Variants in UBXN8 observed in about 807,000 individuals in gnomAD.
UBXN8 encodes UBX domain-containing protein 8.
In UBXN8, 27 loss-of-function variants were observed where a neutral mutation model predicts 32.1. The observed-to-expected ratio is 0.84, with a 90% CI of 0.62 to 1.16. UBXN8 has a LOEUF of 1.16. Among genes scored for constraint, UBXN8 ranks in the 50% most tolerant of loss-of-function variants. UBXN8 has a pLI of 0.00. For missense variants in UBXN8, 306 were observed against 311.4 expected (o/e 0.98, Z 0.13); for synonymous variants, 109 against 111.8 (o/e 0.98, Z 0.16).
rs1372241832 is a variant in UBXN8 at position 30,738,926 on chromosome 8, A to G, written c.622+5618A>G. Reference sequence around the variant, plus strand: ...AGCTGAGATTGTGCTATTGCACTCCAGCGTGGGCAACAAGAGTGAAACTCC... The same window carrying G: ...AGCTGAGATTGTGCTATTGCACTCCGGCGTGGGCAACAAGAGTGAAACTCC... On this transcript the variant is annotated intron_variant, in intron 1 of 1. Transcript: ENST00000522968. Among the ~76,000 whole-genome samples the G allele has an allele frequency of 2.0e-5, 3 of 150,940 alleles. No individual in the cohort carries two copies. The Admixed American group carries it at 2.0e-4, about 10-fold the overall frequency.
At chr8:30,756,699 CA>C in intron 4 of UBXN8, 65 bp from the exon 5 acceptor site, 1 of 1,587,640 alleles carries the variant, frequency 6.3e-7, no homozygotes, top group Non-Finnish European at 8.6e-7. Context: ...AAAGGAAAAA[CA>C]ATTGTGAATA....
intron 1 of UBXN8, among the ~76,000 whole-genome samples, chr8:30,750,501 G>A (rs1805490506): frequency 6.6e-6 from 1 of 151,044 alleles, no homozygotes; most frequent in African/African-American, 2.4e-5. Context: ...GGCCGGGCAC[G>A]GTGGCTCACG....
intron 1 of UBXN8, among the ~76,000 whole-genome samples, chr8:30,750,089 A>T (rs1426160659): frequency 6.6e-6 from 1 of 152,156 alleles, no homozygotes; most frequent in East Asian, 1.9e-4. Context: ...GACAACCATC[A>T]TGAGTTTTTT....
intron 5 of UBXN8, among the ~76,000 whole-genome samples, chr8:30,760,443 A>ATATATATATATATATATATATATAT (rs1196366158): frequency 2.2e-5 from 2 of 91,118 alleles, no homozygotes; most frequent in African/African-American, 5.1e-5. Context: ...ATATATATAT[A>ATATATATATATATATATATATATAT]TTTTTTTTTT....
At chr8:30,742,014 C>T (rs886483331), upstream of UBXN8, among the ~76,000 whole-genome samples, 6 of 152,104 alleles carry the variant, frequency 3.9e-5, no homozygotes, top group Non-Finnish European at 8.8e-5. Flanking sequence ...GAAAAAAATA[C>T]AGGAGGTAGG....
chr8:30,764,095 ACC>A (rs1217432679), intron 7 of UBXN8, among the ~76,000 whole-genome samples: 1 of 152,318 alleles, frequency 6.6e-6, no homozygotes, highest in East Asian at 1.9e-4. Context: ...TCATGCCAAA[ACC>A]AGTTACTAAC....
intron 3 of UBXN8, 82 bp downstream of exon 3, chr8:30,753,187 T>C: frequency 4.4e-6 from 6 of 1,367,938 alleles, no homozygotes; most frequent in Non-Finnish European, 5.7e-6. Flanking sequence ...CTGTTGCTTC[T>C]GTCTTGGTGC....
chr8:30,737,658 AG>A (rs1471888989), intron 1 of UBXN8, among the ~76,000 whole-genome samples: 1 of 31,580 alleles, frequency 3.2e-5, no homozygotes, highest in Middle Eastern at 0.033. Flanking sequence ...ACTGCACTCC[AG>A]CCTAAGCAAC....
chr8:30,765,711 G>A (rs894716941), intron 7 of UBXN8, among the ~76,000 whole-genome samples: 4 of 151,702 alleles, frequency 2.6e-5, no homozygotes, highest in South Asian at 2.1e-4. Context: ...CCGCCACCAC[G>A]CCTGGCTAAT....
upstream of UBXN8, among the ~76,000 whole-genome samples, chr8:30,743,420 C>T (rs3757922): frequency 0.22 from 30,749 of 142,870 alleles, 3,335 homozygotes; most frequent in South Asian, 0.32. Flanking sequence ...TCCCAAAGTG[C>T]TGAGATTACA....
chr8:30,730,593 CAA>C (rs1366752782), upstream of UBXN8, among the ~76,000 whole-genome samples: 1 of 152,108 alleles, frequency 6.6e-6, no homozygotes, highest in Non-Finnish European at 1.5e-5. Flanking sequence ...AGAGGATATG[CAA>C]AGGCTAAACC....
chr8:30,743,125 C>T (rs565362886), upstream of UBXN8, among the ~76,000 whole-genome samples: 5 of 151,372 alleles, frequency 3.3e-5, no homozygotes, highest in African/African-American at 7.3e-5. Flanking sequence ...CGTGAGCCAC[C>T]GCGCTTAGCC....
chr8:30,766,435 G>T lies in UBXN8; in HGVS notation c.*41G>T. ...TCCCTGTTTGCATGAAGTCAGTTAT[G>T]CTATGACCTTCTGGCACAATAAAGG... On this transcript the variant is annotated 3_prime_UTR_variant, in exon 8 of 8. Transcript: ENST00000265616. The T allele has an allele frequency of 6.6e-7, 1 of 1,510,406 alleles. No individual in the cohort carries two copies. The highest frequency in any genetic ancestry group is 8.9e-7 in the Non-Finnish European group (1 of 1,123,540). 93.6% of individuals were successfully genotyped at this position (1,510,406 alleles called of 1,614,324 possible). A position where few individuals can be genotyped will look rare whatever the true frequency, so the allele number is the denominator to read the frequency against.
In UBXN8 at chr8:30,756,822, A is replaced by G. The variant is rs1011840575; in HGVS notation, c.463A>G (p.Ser155Gly). The change falls in exon 5 of 8, where the codon AGC becomes GGC. Residue 155 changes from serine (S) to glycine (G), a missense_variant. By Grantham distance (56) the Ser-to-Gly change is moderately conservative. Transcript: ENST00000265616. ...FETSNREAAK[S>G]QNLPKPLTEF... ...AACATCAAACAGAGAAGCAGCAAAG[A>G]GCCAGAACTTGCCTAAACCTTTAAC... 6.2e-7 allele frequency: 1 copy of G among 1,614,074 alleles called. No individual in the cohort carries two copies. The highest frequency in any genetic ancestry group is 1.7e-5 in the Admixed American group (1 of 60,012).
Position 30,746,002 on chromosome 8 carries a change from C to T in UBXN8, c.88+1725C>T, listed in dbSNP as rs140028193. On this transcript the variant is annotated intron_variant, in intron 1 of 7. Transcript: ENST00000265616. ...CTAGGCTCAAGCAATCCACCCACTT[C>T]GGCCACCCAGAGTGCTGGGATTATA... 4.7e-3 allele frequency among the ~76,000 whole-genome samples: 716 copies of T among 152,296 alleles called. 10 individuals are homozygous for T. Among genetic ancestry groups the T allele is most frequent in the African/African-American group, 0.017 (694 of 41,568 alleles).
chr8:30,750,662 A>C (rs2955989), intron 1 of UBXN8, among the ~76,000 whole-genome samples: 110,012 of 151,280 alleles, frequency 0.73, 41,661 homozygotes, highest in East Asian at 0.85. Context: ...AGTCCCAGCT[A>C]CTCGGGAGGC....
In UBXN8 at chr8:30,756,841, CT is replaced by C; in HGVS notation, c.485del (p.Leu162Ter). 1.9e-6 allele frequency: 3 copies of C among 1,613,962 alleles called. No homozygotes were observed. Among genetic ancestry groups the C allele is most frequent in the Non-Finnish European group, 2.5e-6 (3 of 1,179,888 alleles). ...EAAKSQNLPK[P>X]LTEFPSPAEQ... ...GCAAAGAGCCAGAACTTGCCTAAAC[CT>C]TTAACTGAATTTCCGTCTCCTGCTG... On this transcript the variant is annotated frameshift_variant, in exon 5 of 8. Transcript: ENST00000265616. LOFTEE classifies it high-confidence loss of function.
In UBXN8 at chr8:30,744,204, G is replaced by A. The variant is rs766306282; in HGVS notation, c.15G>A (p.Gly5=). 9.9e-6 allele frequency: 16 copies of A among 1,613,476 alleles called. No individual in the cohort carries two copies. In the South Asian group the frequency reaches 1.8e-4, roughly 18 times the overall value. MASR[G]VVGIFFLSAV... ...CTTCCGCCACCATGGCTTCACGTGG[G>A]GTTGTTGGCATTTTCTTCCTCTCTG... is the stretch of plus-strand genomic sequence containing the variant. The change falls in exon 1 of 8, where the codon GGG becomes GGA. Residue 5 remains glycine (G), a synonymous_variant. Transcript: ENST00000265616.
intron 2 of UBXN8, 71 bp downstream of exon 2, chr8:30,751,589 G>A (rs778371108): frequency 7.8e-7 from 1 of 1,274,154 alleles, no homozygotes; most frequent in Non-Finnish European, 1.1e-6. Context: ...ACTTTGCACA[G>A]TAAGAGCCAT....
Sources: allele counts gnomAD v4.1 joint callset (sites outside exome capture counted in the v4.1 genomes callset), GRCh38; gene constraint gnomAD v4.1.1; transcripts MANE v1.5; gene names NCBI Gene and HGNC (gene_info 2026-07-23, HGNC 2026-07-21).